Variants in PAQR5 observed in about 807,000 individuals in gnomAD.
PAQR5 encodes the protein progestin and adipoQ receptor family member 5, also known as membrane progestin receptor gamma.
In PAQR5, 20 loss-of-function variants were observed where a neutral mutation model predicts 34.5. The ratio of observed to expected loss-of-function variants is 0.58; its 90% CI spans 0.41 to 0.84. PAQR5 has a LOEUF of 0.84. Ranked by LOEUF, PAQR5 falls within the 40% of genes least tolerant of loss-of-function variation. The probability of loss-of-function intolerance (pLI) is 0.00; values close to 1 mark genes in which losing one functional copy is unlikely to be tolerated. For missense variants in PAQR5, 378 were observed against 412.7 expected, an observed-to-expected ratio of 0.92 and a Z score of 0.73; for synonymous variants, 131 against 155.6, an observed-to-expected ratio of 0.84 and a Z score of 1.18.
At chr15:69,300,312 T>C (rs1356874056) in intron 1 of PAQR5, among the ~76,000 whole-genome samples, 1 of 152,118 alleles carries the variant, frequency 6.6e-6, no homozygotes, top group Non-Finnish European at 1.5e-5. Flanking sequence ...AGGGACCTGC[T>C]TTGTTCCCTG....
intron 1 of PAQR5, among the ~76,000 whole-genome samples, chr15:69,300,839 CG>C (rs2053560249): frequency 7.8e-5 from 2 of 25,712 alleles, no homozygotes; most frequent in Non-Finnish European, 1.7e-4. Flanking sequence ...TCCTTTAGTT[CG>C]TTTTCTTTCT....
At chr15:69,328,790 C>T (rs775242416) in intron 1 of PAQR5, among the ~76,000 whole-genome samples, 7 of 152,218 alleles carry the variant, frequency 4.6e-5, no homozygotes, top group Non-Finnish European at 8.8e-5. Context: ...GGCCCATTGC[C>T]TCTGGTGTGG....
Position 69,311,278 on chromosome 15 carries a change from G to A in PAQR5, c.-277+12222G>A, listed in dbSNP as rs565725343. On this transcript the variant is annotated intron_variant, in intron 1 of 8. Coordinates refer to ENST00000395407, the MANE Select transcript of PAQR5 (RefSeq NM_017705.4). ...ACACGTTGAAAGAGTGAAGGAAATC[G>A]TGAGTTCATCTAGGGAAGGGGCTGT... is the stretch of plus-strand genomic sequence containing the variant. Among the ~76,000 whole-genome samples the A allele has an allele frequency of 1.6e-4, 24 of 152,088 alleles. No homozygotes were observed. In the East Asian group the frequency reaches 4.1e-3, roughly 26 times the overall value.
intron 1 of PAQR5, among the ~76,000 whole-genome samples, chr15:69,306,203 G>A (rs900081475): frequency 9.9e-5 from 15 of 152,058 alleles, no homozygotes; most frequent in African/African-American, 3.4e-4. Context: ...ATTGGGGGTG[G>A]GCAGCTGGGG....
intron 8 of PAQR5, 134 bp downstream of exon 8, chr15:69,400,249 A>C (rs1008180425): frequency 1.2e-6 from 1 of 868,274 alleles, no homozygotes. Flanking sequence ...TAACATTGCA[A>C]GTTGACAGAG....
intron 1 of PAQR5, among the ~76,000 whole-genome samples, chr15:69,310,473 C>A (rs956867107): frequency 2.0e-5 from 3 of 152,106 alleles, no homozygotes; most frequent in African/African-American, 7.2e-5. Flanking sequence ...TATAGTTTAA[C>A]CTGCATTTTT....
chr15:69,305,055 C>A (rs900411608), intron 1 of PAQR5, among the ~76,000 whole-genome samples: 1 of 152,228 alleles, frequency 6.6e-6, no homozygotes, highest in South Asian at 2.1e-4. Context: ...TTGGATTCAT[C>A]ATGGTGTCTC....
At chr15:69,309,544 T>C (rs1165670540) in intron 1 of PAQR5, among the ~76,000 whole-genome samples, 1 of 152,032 alleles carries the variant, frequency 6.6e-6, no homozygotes, top group African/African-American at 2.4e-5. Context: ...GGGTTTAGGA[T>C]CTCACTGGGA....
chr15:69,380,142 G>A (rs949493238), intron 4 of PAQR5, 132 bp downstream of exon 4: 21 of 931,882 alleles, frequency 2.3e-5, no homozygotes, highest in Admixed American at 4.2e-5. Context: ...GGGTACACGC[G>A]GGTGAAGGGA....
At chr15:69,350,169 G>A (rs540475257) in intron 2 of PAQR5, among the ~76,000 whole-genome samples, 2 of 152,350 alleles carry the variant, frequency 1.3e-5, no homozygotes, top group East Asian at 1.9e-4. Flanking sequence ...CAGCTCCAAC[G>A]GCAAAGTGGG....
chr15:69,355,254 A>G (rs746222233), intron 2 of PAQR5, among the ~76,000 whole-genome samples: 1 of 151,490 alleles, frequency 6.6e-6, no homozygotes, highest in African/African-American at 2.4e-5. Context: ...ACTCTAATAC[A>G]GGAGTATATT....
At chr15:69,315,121 A>G (rs1176461416) in intron 1 of PAQR5, among the ~76,000 whole-genome samples, 4 of 152,148 alleles carry the variant, frequency 2.6e-5, no homozygotes, top group African/African-American at 9.6e-5. Flanking sequence ...GGGACAGCTC[A>G]AGTCAGATTT....
Position 69,316,620 on chromosome 15 carries a change from G to A in PAQR5, c.-277+17564G>A, listed in dbSNP as rs2053957673. Among the ~76,000 whole-genome samples, 2 of 152,300 alleles carry A rather than the reference G, an allele frequency of 1.3e-5. 1 individual carries two copies. Among genetic ancestry groups the A allele is most frequent in the South Asian group, 4.1e-4 (2 of 4,824 alleles). On this transcript the variant is annotated intron_variant, in intron 1 of 8. Coordinates refer to ENST00000395407, the MANE Select transcript of PAQR5 (RefSeq NM_017705.4). Reference sequence around the variant, plus strand: ...ATCTTGTAGCCTGGGACAGGCCAGAGAAGGCATGTCCCTGGTCATAAGTTA... The same window carrying A: ...ATCTTGTAGCCTGGGACAGGCCAGAAAAGGCATGTCCCTGGTCATAAGTTA...
At chr15:69,306,035 G>T (rs982893875) in intron 1 of PAQR5, among the ~76,000 whole-genome samples, 1 of 152,120 alleles carries the variant, frequency 6.6e-6, no homozygotes, top group African/African-American at 2.4e-5. Flanking sequence ...GGCTAGATGT[G>T]GGGCAGGAGA....
intron 2 of PAQR5, among the ~76,000 whole-genome samples, chr15:69,344,612 A>C (rs1262193393): frequency 6.6e-6 from 1 of 152,278 alleles, no homozygotes; most frequent in Non-Finnish European, 1.5e-5. Context: ...TAATAATAGC[A>C]AATGAGTACT....
At chr15:69,381,016 A>G (rs2055870545) in intron 4 of PAQR5, among the ~76,000 whole-genome samples, 1 of 152,214 alleles carries the variant, frequency 6.6e-6, no homozygotes. Flanking sequence ...TGGTTCCAGC[A>G]GCCAGCTCAG....
intron 1 of PAQR5, among the ~76,000 whole-genome samples, chr15:69,336,638 A>C (rs2054520766): frequency 6.6e-6 from 1 of 152,134 alleles, no homozygotes; most frequent in South Asian, 2.1e-4. Context: ...TTGGTTTTAT[A>C]ATCAGCTGTA....
At chr15:69,319,170 TA>T (rs1795668347) in intron 1 of PAQR5, among the ~76,000 whole-genome samples, 1 of 135,198 alleles carries the variant, frequency 7.4e-6, no homozygotes, top group African/African-American at 3.0e-5. Flanking sequence ...TATATATATA[TA>T]TATATATATA....
At chr15:69,302,592 A>G (rs1435496308) in intron 1 of PAQR5, among the ~76,000 whole-genome samples, 3 of 152,138 alleles carry the variant, frequency 2.0e-5, no homozygotes, top group Non-Finnish European at 2.9e-5. Context: ...CTTTGAAGAA[A>G]TCCACCCCTC....
Sources: gnomAD v4.1 joint callset for allele counts (sites outside exome capture counted in the v4.1 genomes callset) on GRCh38, gnomAD v4.1.1 for gene constraint, MANE v1.5 for transcripts, NCBI Gene and HGNC (gene_info 2026-07-23, HGNC 2026-07-21) for gene names.